LINGO2: variants seen among roughly 807,000 people sequenced by gnomAD.
LINGO2 encodes the protein leucine rich repeat and Ig domain containing 2.
In LINGO2, 14 loss-of-function variants were observed where a neutral mutation model predicts 30.6. The observed-to-expected ratio is 0.46, with a 90% CI of 0.30 to 0.72. The LOEUF is 0.72. LINGO2 is among the 30% of genes least tolerant of loss of function. LINGO2 has a pLI of 0.07. For synonymous variants in LINGO2, 317 were observed against 288.5 expected, an observed-to-expected ratio of 1.10 and a Z score of -1.00; for missense variants, 729 against 751.7, an observed-to-expected ratio of 0.97 and a Z score of 0.35.
chr9:28,425,241 C>A (rs10125264), intron 2 of LINGO2, among the ~76,000 whole-genome samples: 1 of 147,048 alleles, frequency 6.8e-6, no homozygotes, highest in Non-Finnish European at 1.5e-5. Context: ...GTATATATTA[C>A]ATATTAAATA....
intron 2 of LINGO2, among the ~76,000 whole-genome samples, chr9:28,403,325 C>A (rs1417403250): frequency 6.6e-6 from 1 of 152,100 alleles, no homozygotes; most frequent in Non-Finnish European, 1.5e-5. Context: ...TCCCGAGGCT[C>A]CCTCCCAGCT....
chr9:28,596,749 C>T (rs190655768), intron 1 of LINGO2, among the ~76,000 whole-genome samples: 17 of 152,228 alleles, frequency 1.1e-4, no homozygotes, highest in African/African-American at 3.9e-4. Context: ...ACATAATATA[C>T]ATCATTATCT....
chr9:28,246,752 TG>T (rs1372351769), intron 4 of LINGO2, among the ~76,000 whole-genome samples: 1 of 152,132 alleles, frequency 6.6e-6, no homozygotes, highest in Non-Finnish European at 1.5e-5. Flanking sequence ...AATTGGCAAA[TG>T]GGTTCTAATT....
chr9:28,135,363 G>T (rs945230856), intron 4 of LINGO2, among the ~76,000 whole-genome samples: 4 of 151,944 alleles, frequency 2.6e-5, no homozygotes, highest in Non-Finnish European at 5.9e-5. Context: ...AATAAAATGA[G>T]TAAAGAAGGC....
chr9:28,468,144 C>A (rs749052519), intron 2 of LINGO2, among the ~76,000 whole-genome samples: 1 of 151,976 alleles, frequency 6.6e-6, no homozygotes, highest in Non-Finnish European at 1.5e-5. Context: ...CTACAGAAAC[C>A]AAGCAAATGC....
intron 3 of LINGO2, among the ~76,000 whole-genome samples, chr9:28,369,994 C>A (rs916021274): frequency 6.6e-6 from 1 of 152,044 alleles, no homozygotes. Flanking sequence ...AAACACGACA[C>A]TTTGAGTGTG....
At chr9:28,967,764 G>A in the LINGO2 span, among the ~76,000 whole-genome samples, 1 of 152,156 alleles carries the variant, frequency 6.6e-6, no homozygotes, top group African/African-American at 2.4e-5. Flanking sequence ...GGGAACAGGT[G>A]TTTTTAATAT....
At chr9:28,751,715 G>A in the LINGO2 span, among the ~76,000 whole-genome samples, 1 of 151,408 alleles carries the variant, frequency 6.6e-6, no homozygotes, top group Admixed American at 6.6e-5. Flanking sequence ...CTATTTTATT[G>A]TATACTAGTT....
chr9:28,741,838 G>A, the LINGO2 span, among the ~76,000 whole-genome samples: 1 of 151,932 alleles, frequency 6.6e-6, no homozygotes, highest in South Asian at 2.1e-4. Context: ...AGCTGACCCG[G>A]TGTTGGGCTG....
At chr9:28,684,703 G>C in the LINGO2 span, among the ~76,000 whole-genome samples, 2 of 151,324 alleles carry the variant, frequency 1.3e-5, no homozygotes, top group Non-Finnish European at 2.9e-5. Context: ...ATTTTTAGTA[G>C]AGACAGGGTT....
intron 1 of LINGO2, among the ~76,000 whole-genome samples, chr9:28,612,826 A>C (rs1270720432): frequency 6.6e-6 from 1 of 152,104 alleles, no homozygotes; most frequent in Non-Finnish European, 1.5e-5. Flanking sequence ...AAGGGACATA[A>C]GATTTTGGGG....
chr9:28,722,123 A>G, the LINGO2 span, among the ~76,000 whole-genome samples: 3 of 152,128 alleles, frequency 2.0e-5, no homozygotes, highest in Non-Finnish European at 2.9e-5. Flanking sequence ...GCCTTAATTG[A>G]GATTATGATC....
At chr9:29,110,384 G>C in the LINGO2 span, among the ~76,000 whole-genome samples, 1 of 152,164 alleles carries the variant, frequency 6.6e-6, no homozygotes, top group Non-Finnish European at 1.5e-5. Flanking sequence ...CCAGGCTGGA[G>C]TGCAGTGATT....
intron 4 of LINGO2, among the ~76,000 whole-genome samples, chr9:28,285,142 C>T (rs903063665): frequency 9.9e-5 from 15 of 152,090 alleles, no homozygotes; most frequent in African/African-American, 3.4e-4. Flanking sequence ...AGACCAAGGT[C>T]AAAATATTGT....
the LINGO2 span, among the ~76,000 whole-genome samples, chr9:28,926,452 T>TTAAGAGG: frequency 6.6e-6 from 1 of 152,210 alleles, no homozygotes; most frequent in African/African-American, 2.4e-5. Context: ...AAGAGGCTAC[T>TTAAGAGG]CCATCACCTC....
At chr9:28,457,929 C>T (rs1359108608) in intron 2 of LINGO2, among the ~76,000 whole-genome samples, 2 of 152,148 alleles carry the variant, frequency 1.3e-5, no homozygotes, top group Admixed American at 6.6e-5. Context: ...AGCATTCTCA[C>T]TGAAAAGAAT....
At chr9:28,956,293 G>A in the LINGO2 span, among the ~76,000 whole-genome samples, 1 of 152,132 alleles carries the variant, frequency 6.6e-6, no homozygotes, top group Admixed American at 6.6e-5. Flanking sequence ...ACATGAGCAG[G>A]GAGAATGAAA....
intron 4 of LINGO2, among the ~76,000 whole-genome samples, chr9:28,101,055 AT>A (rs1826401179): frequency 6.6e-6 from 1 of 151,560 alleles, no homozygotes; most frequent in African/African-American, 2.4e-5. Flanking sequence ...TTTTTTTTCA[AT>A]TTTAGGGGAA....
chr9:28,148,100 G>T lies in LINGO2; in HGVS notation c.-86-135695C>A, dbSNP rs1839963. 2.7e-6 allele frequency: 3 copies of T among 1,107,350 alleles called. No individual in the cohort carries two copies. Among genetic ancestry groups the T allele is most frequent in the East Asian group, 5.3e-5 (1 of 18,722 alleles). 68.6% of individuals were successfully genotyped at this position (1,107,350 alleles called of 1,614,324 possible). On this transcript the variant is annotated intron_variant, in intron 4 of 5. Transcript: ENST00000379992. This position sits in a 1 kb window ranked among gnomAD's most constrained non-coding sequence, Gnocchi z 5.1. Reference sequence around the variant, plus strand: ...CTTCCCAGCTGGCCGGGCTAACCCCGCGGCTCCTGCACCTGTGCCTGCCCG... The same window carrying T: ...CTTCCCAGCTGGCCGGGCTAACCCCTCGGCTCCTGCACCTGTGCCTGCCCG...
Sources: allele counts gnomAD v4.1 joint callset (sites outside exome capture counted in the v4.1 genomes callset), GRCh38; gene constraint gnomAD v4.1.1; non-coding constraint Gnocchi (gnomAD v3.1); transcripts MANE v1.5; gene names NCBI Gene and HGNC (gene_info 2026-07-23, HGNC 2026-07-21).